The following P3H2 variants were observed in gnomAD, a reference collection of about 807,000 sequenced individuals.
P3H2 encodes prolyl 3-hydroxylase 2, also known as leprecan-like 1.
P3H2 carries 80 observed loss-of-function variants against 87.0 expected under a neutral mutation model. The ratio of observed to expected loss-of-function variants is 0.92; its 90% confidence interval spans 0.77 to 1.11. P3H2 has a LOEUF of 1.11. Ranked by LOEUF, P3H2 falls within the 50% of genes least tolerant of loss-of-function variation. The pLI, the probability that P3H2 is intolerant of heterozygous loss-of-function variation, is 0.00. For synonymous variants in P3H2, 367 were observed against 359.3 expected (o/e 1.02, Z -0.24); for missense variants, 1,001 against 923.9 (o/e 1.08, Z -1.08).
chr3:189,986,820 C>T lies in P3H2; in HGVS notation c.1156G>A (p.Ala386Thr), dbSNP rs758928478. Residue 386 changes from alanine to threonine, a missense_variant, in exon 6 of 15, where the codon GCA becomes ACA. Ala to Thr is a moderately conservative substitution (Grantham distance 58, BLOSUM62 0). Coordinates refer to ENST00000319332, the MANE Select transcript of P3H2 (RefSeq NM_018192.4). ...GTGTATGAAAACCCCAGACCTTCTGCAGCTGATTTTATCAGCTCAGACTCC... is the reference window on the plus strand; with the variant it reads ...GTGTATGAAAACCCCAGACCTTCTGTAGCTGATTTTATCAGCTCAGACTCC... ...KLESELIKSA[A>T]EGLGFSYTEP... is the part of the protein sequence containing the mutation. 6.2e-7 allele frequency: 1 copy of T among 1,612,184 alleles called. No homozygotes were observed. Among genetic ancestry groups the T allele is most frequent in the Non-Finnish European group, 8.5e-7 (1 of 1,178,282 alleles).
At chr3:189,972,327 A>G (rs1475822902) in intron 11 of P3H2, among the ~76,000 whole-genome samples, 1 of 152,200 alleles carries the variant, frequency 6.6e-6, no homozygotes, top group Non-Finnish European at 1.5e-5. Flanking sequence ...ATGGGAAGGA[A>G]ATGAAAATTT....
intron 12 of P3H2, 68 bp downstream of exon 12, chr3:189,971,822 C>T: frequency 1.1e-6 from 1 of 945,826 alleles, no homozygotes; most frequent in South Asian, 1.3e-5. Context: ...AACAGAGCAC[C>T]TTTCCAGTTT....
intron 13 of P3H2, among the ~76,000 whole-genome samples, chr3:189,966,167 G>T (rs1345128905): frequency 6.1e-5 from 9 of 147,660 alleles, no homozygotes; most frequent in Non-Finnish European, 1.2e-4. Context: ...AAGAAAGAAA[G>T]AAAGAAAGAA....
At chr3:189,983,982 C>A (rs1020945439) in intron 7 of P3H2, among the ~76,000 whole-genome samples, 1 of 151,950 alleles carries the variant, frequency 6.6e-6, no homozygotes. Context: ...TGCTAAATGA[C>A]AAGTTAATGG....
chr3:190,009,098 G>A (rs1176124420), intron 1 of P3H2, among the ~76,000 whole-genome samples: 3 of 152,170 alleles, frequency 2.0e-5, no homozygotes, highest in Admixed American at 1.3e-4. Flanking sequence ...ATTTCACCAT[G>A]AGTAAGACAC....
intron 1 of P3H2, among the ~76,000 whole-genome samples, chr3:190,078,817 C>A (rs964288976): frequency 2.6e-5 from 4 of 152,120 alleles, no homozygotes; most frequent in East Asian, 1.9e-4. Context: ...AGACTTTGTT[C>A]TTCCAGGGAA....
At position 189,974,654 on chromosome 3, in the gene P3H2, G is replaced by C. The variant is rs267599731; in HGVS notation, c.1356C>G (p.Phe452Leu). 23 of 1,614,054 alleles carry C rather than the reference G, an allele frequency of 1.4e-5. No homozygotes were observed. Among genetic ancestry groups the C allele is most frequent in the Non-Finnish European group, 1.7e-6 (2 of 1,180,032 alleles). ...CGTTCAGCTGCTCCGAGTTGTAGAC[G>C]AATGTGATGTTCTCATAGAGTAGAG... ...GGPLLYENIT[F>L]VYNSEQLNGT... The change falls in exon 9 of 15, where the codon TTC (phenylalanine) becomes TTG (leucine). Residue 452 changes from phenylalanine to leucine, a missense_variant. By Grantham distance (22) the Phe-to-Leu change is conservative. Coordinates refer to ENST00000319332, the MANE Select transcript of P3H2 (RefSeq NM_018192.4).
At chr3:190,022,927 C>T (rs924637254) in intron 1 of P3H2, among the ~76,000 whole-genome samples, 21 of 152,078 alleles carry the variant, frequency 1.4e-4, no homozygotes, top group African/African-American at 1.9e-4. Context: ...CCCGGGTTCA[C>T]GCCATTCTCC....
intron 1 of P3H2, among the ~76,000 whole-genome samples, chr3:190,033,125 G>T (rs894881905): frequency 2.6e-5 from 4 of 152,154 alleles, no homozygotes; most frequent in Non-Finnish European, 5.9e-5. Context: ...GCTCCTAAGA[G>T]AATCTAATGC....
intron 1 of P3H2, among the ~76,000 whole-genome samples, chr3:190,003,684 C>A (rs991108593): frequency 6.6e-6 from 1 of 152,140 alleles, no homozygotes; most frequent in African/African-American, 2.4e-5. Context: ...TCGTCTCTGC[C>A]TCGGGTCGAA....
Position 190,083,059 on chromosome 3 carries a change from A to T in P3H2, c.480+37193T>A, listed in dbSNP as rs1231496980. On this transcript the variant is annotated intron_variant, in intron 1 of 14. Transcript: ENST00000319332. Reference sequence around the variant, plus strand: ...AGCTTATCTGCATTTACCTAAGGTCATCAAATTCTCACAACCAAGCAGCTC... The same window carrying T: ...AGCTTATCTGCATTTACCTAAGGTCTTCAAATTCTCACAACCAAGCAGCTC... Among the ~76,000 whole-genome samples the T allele has an allele frequency of 3.9e-5, 6 of 152,234 alleles. No homozygotes were observed. In the East Asian group the frequency reaches 1.2e-3, roughly 29 times the overall value.
intron 1 of P3H2, among the ~76,000 whole-genome samples, chr3:190,085,052 G>A (rs571785177): frequency 8.5e-5 from 13 of 152,254 alleles, no homozygotes; most frequent in African/African-American, 3.1e-4. Context: ...TGTGCTGCCT[G>A]GGCCTAAGGT....
chr3:190,120,972 G>A (rs1560027410), upstream of P3H2: 2 of 545,210 alleles, frequency 3.7e-6, no homozygotes, highest in Non-Finnish European at 6.0e-6. Context: ...CTGAGACTCC[G>A]AGAGCCGCTC....
At chr3:190,086,673 T>C (rs1278172756) in intron 1 of P3H2, among the ~76,000 whole-genome samples, 3 of 152,192 alleles carry the variant, frequency 2.0e-5, no homozygotes, top group African/African-American at 7.2e-5. Flanking sequence ...GGACACACCA[T>C]ACCTCAGTTA....
rs370108417 is a variant in P3H2 at position 189,974,154 on chromosome 3, T to A, written c.1453-150A>T. 135 of 673,056 alleles carry A rather than the reference T, an allele frequency of 2.0e-4. 1 individual carries two copies. The highest frequency in any genetic ancestry group is 1.5e-3 in the African/African-American group (82 of 55,058). 41.7% of individuals were successfully genotyped at this position (673,056 alleles called of 1,614,324 possible). On this transcript the variant is annotated intron_variant, in intron 9 of 14. Coordinates refer to ENST00000319332, the MANE Select transcript of P3H2 (RefSeq NM_018192.4). ...CAGGATGCTGGTATAACTATTCTTT[T>A]AATTAAAAGAGATATCTTTATTTAA...
At chr3:190,026,092 C>T (rs1174490168) in intron 1 of P3H2, among the ~76,000 whole-genome samples, 1 of 152,102 alleles carries the variant, frequency 6.6e-6, no homozygotes, top group Non-Finnish European at 1.5e-5. Context: ...GTTTACAAAA[C>T]TGGCAGCATT....
chr3:190,090,485 C>CCT (rs1727372516), intron 1 of P3H2, among the ~76,000 whole-genome samples: 1 of 152,036 alleles, frequency 6.6e-6, no homozygotes, highest in African/African-American at 2.4e-5. Context: ...GGGTGGATCA[C>CCT]GAGGTCAGGA....
intron 13 of P3H2, among the ~76,000 whole-genome samples, chr3:189,966,114 AAAGAAAG>A (rs1722981292): frequency 9.3e-6 from 1 of 107,586 alleles, no homozygotes; most frequent in Admixed American, 9.2e-5. Flanking sequence ...AAAAAGAAAG[AAAGAAAG>A]AAAAAGAAAG....
chr3:190,042,705 C>A (rs1001599980), intron 1 of P3H2, among the ~76,000 whole-genome samples: 1 of 152,146 alleles, frequency 6.6e-6, no homozygotes, highest in African/African-American at 2.4e-5. Flanking sequence ...GGAATGGTTC[C>A]TATTTTACAT....
Sources: gnomAD v4.1 joint callset for allele counts (sites outside exome capture counted in the v4.1 genomes callset) on GRCh38, gnomAD v4.1.1 for gene constraint, MANE v1.5 for transcripts, NCBI Gene and HGNC (gene_info 2026-07-23, HGNC 2026-07-21) for gene names.